Variants in TSHR observed in about 807,000 individuals in gnomAD.
The protein encoded by TSHR is thyrotropin receptor.
In TSHR, 51 loss-of-function variants were observed where a neutral mutation model predicts 64.1. The observed-to-expected ratio is 0.80, with a 90% CI of 0.64 to 1.01. TSHR has a LOEUF of 1.01. Among genes scored for constraint, TSHR ranks in the 50% least tolerant of loss-of-function variants. The pLI is 0.00. For missense variants in TSHR, 877 were observed against 942.8 expected (o/e 0.93, Z 0.91); for synonymous variants, 361 against 361.9 (o/e 1.00, Z 0.03).
intron 2 of TSHR, among the ~76,000 whole-genome samples, chr14:81,064,917 G>C (rs1595035459): frequency 6.6e-6 from 1 of 152,290 alleles, no homozygotes; most frequent in African/African-American, 2.4e-5. Flanking sequence ...TGGCCTTCTA[G>C]AGGAAGATGG....
chr14:81,003,203 A>T (rs1362962227), intron 1 of TSHR: 1 of 152,044 alleles, frequency 6.6e-6, no homozygotes, highest in African/African-American at 2.4e-5. Context: ...CTTCATTTTC[A>T]TTCTACTGCT....
intron 6 of TSHR, 71 bp downstream of exon 6, chr14:81,092,679 C>T (rs1888846944): frequency 1.4e-6 from 2 of 1,414,540 alleles, no homozygotes; most frequent in Middle Eastern, 1.8e-4. Context: ...TGTTTACAGA[C>T]CATCCAAGAG....
chr14:81,121,098 A>C (rs949248910), intron 8 of TSHR, among the ~76,000 whole-genome samples: 38 of 152,272 alleles, frequency 2.5e-4, no homozygotes, highest in African/African-American at 8.9e-4. Flanking sequence ...ACAAAAACTG[A>C]AAAATAGTGT....
intron 7 of TSHR, chr14:81,104,466 C>A (rs1595120472): frequency 1.0e-6 from 1 of 985,274 alleles, no homozygotes; most frequent in Admixed American, 6.1e-5. Context: ...ATAGCAAATT[C>A]TCTTGCCACG....
rs150923034 is a variant in TSHR at position 81,145,459 on chromosome 14, G to A, written c.*1106G>A. On this transcript the variant is annotated 3_prime_UTR_variant, in exon 10 of 10. Coordinates refer to ENST00000298171, the MANE Select transcript of TSHR (RefSeq NM_000369.5). ...AAAATTCAATTAAGTAAACATACTC[G>A]CCTGGATCTGAATCATTCATTTAAT... The A allele has an allele frequency of 1.8e-4, 43 of 232,630 alleles. No homozygotes were observed. The highest frequency in any genetic ancestry group is 1.8e-4 in the South Asian group (1 of 5,528). The allele number at this position is 232,630 out of a possible 1,614,324, so 14.4% of individuals were successfully genotyped here.
At chr14:81,142,732 C>A (rs1051734739) in intron 9 of TSHR, among the ~76,000 whole-genome samples, 6 of 151,590 alleles carry the variant, frequency 4.0e-5, no homozygotes, top group African/African-American at 1.5e-4. Context: ...ACCTCAGCCT[C>A]CCGAGTAGCT....
chr14:81,096,810 C>A, intron 7 of TSHR, 103 bp downstream of exon 7: 1 of 1,294,974 alleles, frequency 7.7e-7, no homozygotes. Context: ...GAGCATCTTC[C>A]ACGCCAGAGT....
intron 1 of TSHR, among the ~76,000 whole-genome samples, chr14:81,015,883 T>A (rs572396791): frequency 6.6e-6 from 1 of 152,256 alleles, no homozygotes; most frequent in African/African-American, 2.4e-5. Context: ...GTATTTGTCT[T>A]TGTGTACCTG....
intron 5 of TSHR, 66 bp from the exon 6 acceptor site, chr14:81,092,465 A>T: frequency 7.0e-7 from 1 of 1,435,760 alleles, no homozygotes; most frequent in Non-Finnish European, 9.8e-7. Context: ...GCATATGCGC[A>T]GCAAGACCCC....
chr14:81,066,076 A>G (rs1385746586), intron 2 of TSHR, among the ~76,000 whole-genome samples: 6 of 152,212 alleles, frequency 3.9e-5, no homozygotes, highest in African/African-American at 1.4e-4. Flanking sequence ...CCCCCTGAAT[A>G]AACGATTCCT....
chr14:80,966,280 C>CGG (rs770563782), intron 1 of TSHR, among the ~76,000 whole-genome samples: 1 of 152,042 alleles, frequency 6.6e-6, no homozygotes, highest in Non-Finnish European at 1.5e-5. Flanking sequence ...GATCTAAGGA[C>CGG]GGGCATAAAT....
intron 2 of TSHR, 133 bp downstream of exon 2, chr14:81,062,352 T>C: frequency 1.6e-6 from 1 of 621,544 alleles, no homozygotes; most frequent in Non-Finnish European, 2.7e-6. Context: ...TATATGACAA[T>C]TTTATGTACA....
chr14:81,109,928 T>C (rs571950027), intron 8 of TSHR, among the ~76,000 whole-genome samples: 1 of 152,364 alleles, frequency 6.6e-6, no homozygotes, highest in South Asian at 2.1e-4. Flanking sequence ...ATTTTTAACC[T>C]GGAAGATATT....
At position 81,143,107 on chromosome 14, in the gene TSHR, C is replaced by A. The variant is rs1308014804; in HGVS notation, c.1049C>A (p.Ala350Asp). 6.2e-7 allele frequency: 1 copy of A among 1,614,038 alleles called. No homozygotes were observed. The highest frequency in any genetic ancestry group is 8.5e-7 in the Non-Finnish European group (1 of 1,180,038). ...AAGTTCCAGGATACTCATAACAACGCTCATTATTACGTCTTCTTTGAAGAA... is the reference window on the plus strand; with the variant it reads ...AAGTTCCAGGATACTCATAACAACGATCATTATTACGTCTTCTTTGAAGAA... ...KSKFQDTHNN[A>D]HYYVFFEEQE... is the part of the protein sequence containing the mutation. Residue 350 changes from alanine (A) to aspartate (D), a missense_variant, in exon 10 of 10, where the codon GCT becomes GAT. Ala to Asp is a moderately radical substitution (Grantham distance 126). Coordinates refer to ENST00000298171, the MANE Select transcript of TSHR (RefSeq NM_000369.5).
chr14:81,114,183 G>A (rs546024559), intron 8 of TSHR, among the ~76,000 whole-genome samples: 3 of 151,678 alleles, frequency 2.0e-5, no homozygotes, highest in East Asian at 3.9e-4. Flanking sequence ...GAGCCAAGAT[G>A]GCCGAATAGG....
chr14:81,078,183 C>A (rs1443788856), intron 3 of TSHR, among the ~76,000 whole-genome samples: 3 of 152,052 alleles, frequency 2.0e-5, no homozygotes, highest in African/African-American at 4.8e-5. Context: ...CCCTTTAGCC[C>A]AAAAAACTTT....
At position 81,105,013 on chromosome 14, in the gene TSHR, C is replaced by A. The variant is rs571800204; in HGVS notation, c.615-3362C>A. ...ACTTTCAAAAAGTATTTCCTTTCGT[C>A]TCTTACTACAAGCCTTTTGAGTCTC... On this transcript the variant is annotated intron_variant, in intron 7 of 9. Transcript: ENST00000298171. The A allele has an allele frequency of 2.0e-5, 20 of 985,406 alleles. No individual in the cohort carries two copies. The African/African-American group carries it at 3.0e-4, about 15-fold the overall frequency. 61.0% of individuals were successfully genotyped at this position (985,406 alleles called of 1,614,324 possible).
chr14:81,020,672 C>G (rs1264255145), intron 1 of TSHR, among the ~76,000 whole-genome samples: 1 of 152,124 alleles, frequency 6.6e-6, no homozygotes, highest in East Asian at 1.9e-4. Context: ...ATATCAAAAC[C>G]CTAAAAGTGA....
chr14:81,092,506 G>A (rs1407891069), intron 5 of TSHR, 25 bp from the exon 6 acceptor site: 15 of 1,610,642 alleles, frequency 9.3e-6, no homozygotes, highest in African/African-American at 1.3e-5. Context: ...TTTTCATTAA[G>A]TGTTTTTGTC....
Sources: allele counts gnomAD v4.1 joint callset (sites outside exome capture counted in the v4.1 genomes callset), GRCh38; gene constraint gnomAD v4.1.1; transcripts MANE v1.5; gene names NCBI Gene and HGNC (gene_info 2026-07-23, HGNC 2026-07-21).